PKHD1L1: variants seen among roughly 807,000 people sequenced by gnomAD.
PKHD1L1 encodes fibrocystin-L.
A neutral mutation model predicts 462.9 loss-of-function variants in PKHD1L1; 434 were observed. The observed-to-expected ratio is 0.94, with a 90% CI of 0.87 to 1.02. The LOEUF (loss-of-function observed/expected upper bound fraction) is 1.02. Ranked by LOEUF, PKHD1L1 falls within the 50% of genes least tolerant of loss-of-function variation. The probability of loss-of-function intolerance (pLI) is 0.00; values close to 1 mark genes in which losing one functional copy is unlikely to be tolerated. For synonymous variants in PKHD1L1, 1,781 were observed against 1,750.0 expected, an observed-to-expected ratio of 1.02 and a Z score of -0.44; for missense variants, 5,202 against 5,096.1, an observed-to-expected ratio of 1.02 and a Z score of -0.63.
intron 2 of PKHD1L1, among the ~76,000 whole-genome samples, chr8:109,374,170 T>C (rs1811677438): frequency 6.6e-6 from 1 of 152,228 alleles, no homozygotes; most frequent in Admixed American, 6.5e-5. Flanking sequence ...ACTTGATTTA[T>C]GAATCTGGGT....
intron 56 of PKHD1L1, among the ~76,000 whole-genome samples, chr8:109,482,213 C>T (rs1049511042): frequency 6.6e-6 from 1 of 151,748 alleles, no homozygotes; most frequent in Non-Finnish European, 1.5e-5. Context: ...CATTGTTTTA[C>T]TGTACAATTT....
At chr8:109,387,358 T>C (rs1486050517) in intron 6 of PKHD1L1, among the ~76,000 whole-genome samples, 2 of 152,230 alleles carry the variant, frequency 1.3e-5, no homozygotes, top group African/African-American at 4.8e-5. Context: ...TTACTCTAGA[T>C]ACGCATACCC....
chr8:109,501,625 G>T (rs1417889271), intron 67 of PKHD1L1, among the ~76,000 whole-genome samples: 1 of 152,148 alleles, frequency 6.6e-6, no homozygotes, highest in Non-Finnish European at 1.5e-5. Flanking sequence ...TGTAGTAGAA[G>T]TAGCTCCACT....
intron 68 of PKHD1L1, among the ~76,000 whole-genome samples, chr8:109,507,152 G>A (rs767242420): frequency 6.6e-6 from 1 of 152,108 alleles, no homozygotes; most frequent in African/African-American, 2.4e-5. Flanking sequence ...TAAAAGATTA[G>A]TATAGGAAGG....
chr8:109,451,059 T>G lies in PKHD1L1; in HGVS notation c.6260T>G (p.Val2087Gly). The G allele has an allele frequency of 6.2e-7, 1 of 1,613,858 alleles. No homozygotes were observed. ...SQSMTPFTYA[V>G]SLTPLITAVS... ...TCCATGACTCCGTTTACGTACGCAG[T>G]GTCACTGACTCCACTCATCACTGCA... Residue 2087 changes from valine to glycine, a missense_variant, in exon 41 of 78, where the codon GTG becomes GGG. Val to Gly is a moderately radical substitution (Grantham distance 109). Coordinates refer to ENST00000378402, the MANE Select transcript of PKHD1L1 (RefSeq NM_177531.6).
chr8:109,527,125 A>C, intron 77 of PKHD1L1, 105 bp downstream of exon 77: 1 of 988,232 alleles, frequency 1.0e-6, no homozygotes. Context: ...CACTGTGTGC[A>C]CAAAGAGAAA....
At position 109,454,188 on chromosome 8, in the gene PKHD1L1, A is replaced by G; in HGVS notation, c.6686A>G (p.Glu2229Gly). Residue 2229 changes from glutamate (E) to glycine (G), a missense_variant, in exon 44 of 78, where the codon GAA becomes GGA. This residue lies in a region of PKHD1L1 where 4,497 missense variants were observed against 4,336.8 expected (regional missense o/e 1.04). Coordinates refer to ENST00000378402, the MANE Select transcript of PKHD1L1 (RefSeq NM_177531.6). ...LIQGGTLIFD[E>G]ADIELQAENI... ...ATAGGTGGGACTCTAATATTTGATGAAGCTGACATTGAACTCCAGGCAGAA... is the reference window on the plus strand; with the variant it reads ...ATAGGTGGGACTCTAATATTTGATGGAGCTGACATTGAACTCCAGGCAGAA... 1.2e-6 allele frequency: 2 copies of G among 1,607,710 alleles called. No individual in the cohort carries two copies. The highest frequency in any genetic ancestry group is 1.7e-6 in the Non-Finnish European group (2 of 1,176,882).
intron 35 of PKHD1L1, among the ~76,000 whole-genome samples, chr8:109,442,411 T>A (rs1383954567): frequency 2.0e-5 from 3 of 152,214 alleles, no homozygotes; most frequent in Non-Finnish European, 4.4e-5. Context: ...AGAAATATCT[T>A]ATATTGATTC....
intron 2 of PKHD1L1, among the ~76,000 whole-genome samples, chr8:109,378,435 C>T (rs1385679587): frequency 6.6e-6 from 1 of 152,228 alleles, no homozygotes; most frequent in Admixed American, 6.5e-5. Flanking sequence ...TTCAACCACA[C>T]TTGCTATTAT....
At chr8:109,527,142 G>T in intron 77 of PKHD1L1, 122 bp downstream of exon 77, 1 of 824,162 alleles carries the variant, frequency 1.2e-6, no homozygotes, top group South Asian at 1.8e-5. Flanking sequence ...GAAAGTAACA[G>T]CCTCAATAGC....
chr8:109,511,195 T>A (rs1819957373), intron 71 of PKHD1L1, among the ~76,000 whole-genome samples: 1 of 152,110 alleles, frequency 6.6e-6, no homozygotes, highest in African/African-American at 2.4e-5. Context: ...CCTAAATTTT[T>A]ATTTTTTTAT....
Position 109,535,483 on chromosome 8 carries a change from T to C in PKHD1L1, c.*5393T>C, listed in dbSNP as rs1821126822. Among the ~76,000 whole-genome samples the C allele has an allele frequency of 6.6e-6, 1 of 152,210 alleles. No homozygotes were observed. ...CGTACAAAATATAGATTTAAATTAA[T>C]TTTCACTGTATGAAATGTACAGTAT... On this transcript the variant is annotated 3_prime_UTR_variant, in exon 78 of 78. Coordinates refer to ENST00000378402, the MANE Select transcript of PKHD1L1 (RefSeq NM_177531.6).
At chr8:109,471,017 C>A (rs1184588470) in intron 50 of PKHD1L1, 3 of 1,609,644 alleles carry the variant, frequency 1.9e-6, no homozygotes, top group Admixed American at 1.7e-5. Flanking sequence ...AGTTGGGTCA[C>A]CACTTAAGTC....
chr8:109,415,463 G>C (rs2124982), intron 21 of PKHD1L1, among the ~76,000 whole-genome samples: 45,208 of 152,048 alleles, frequency 0.3, 7,308 homozygotes, highest in Admixed American at 0.43. Flanking sequence ...GTATGAAGTG[G>C]GAAACAGCCA....
chr8:109,434,884 T>C (rs1586503127), intron 28 of PKHD1L1, among the ~76,000 whole-genome samples: 1 of 116,626 alleles, frequency 8.6e-6, no homozygotes, highest in Non-Finnish European at 1.5e-5. Flanking sequence ...TATAAACTAG[T>C]TTTTTTTTTA....
chr8:109,392,347 C>T (rs150842865), intron 9 of PKHD1L1, among the ~76,000 whole-genome samples: 80 of 152,204 alleles, frequency 5.3e-4, no homozygotes, highest in Non-Finnish European at 8.7e-4. Context: ...CAAGGTTGAA[C>T]GTGATTGATA....
At chr8:109,480,986 G>T (rs1353695996) in intron 55 of PKHD1L1, among the ~76,000 whole-genome samples, 1 of 151,874 alleles carries the variant, frequency 6.6e-6, no homozygotes, top group African/African-American at 2.4e-5. Context: ...TGTAAAGAAA[G>T]GTTAAAGGAT....
Position 109,364,598 on chromosome 8 carries a change from G to A in PKHD1L1, c.125G>A (p.Ser42Asn). 6.5e-7 allele frequency: 1 copy of A among 1,545,036 alleles called. No homozygotes were observed. Among genetic ancestry groups the A allele is most frequent in the Non-Finnish European group, 8.9e-7 (1 of 1,128,942 alleles). Residue 42 changes from serine to asparagine, a missense_variant, in exon 2 of 78, where the codon AGT (serine) becomes AAT (asparagine). Around this residue, in one of 3 missense-constraint regions of PKHD1L1, gnomAD observed 4,497 missense variants for 4,336.8 expected, o/e 1.04. Transcript: ENST00000378402. ...KVTEIIPKYG[S>N]INGATRLTIR... Reference sequence around the variant, plus strand: ...ACAGAAATAATACCTAAATATGGCAGTATAAATGGAGCAACAAGGCTGACT... The same window carrying A: ...ACAGAAATAATACCTAAATATGGCAATATAAATGGAGCAACAAGGCTGACT...
In PKHD1L1 at chr8:109,396,054, G is replaced by A. The variant is rs1354106963; in HGVS notation, c.839G>A (p.Gly280Glu). 1 of 1,604,998 alleles carries A rather than the reference G, an allele frequency of 6.2e-7. No individual in the cohort carries two copies. Among genetic ancestry groups the A allele is most frequent in the Non-Finnish European group, 8.5e-7 (1 of 1,175,970 alleles). ...AEVTMIFPSQ[G>E]SIRGGTTLTI... is the part of the protein sequence containing the mutation. ...GTCACCATGATTTTCCCTTCACAAG[G>A]AAGCATTCGAGGTGGCACCACGCTG... The change falls in exon 11 of 78, where the codon GGA becomes GAA. Residue 280 changes from glycine (G) to glutamate (E), a missense_variant. Transcript: ENST00000378402.
Sources: gnomAD v4.1 joint callset for allele counts (sites outside exome capture counted in the v4.1 genomes callset) on GRCh38, gnomAD v4.1.1 for gene constraint, gnomAD v4.1.1 regional missense constraint, MANE v1.5 for transcripts, NCBI Gene and HGNC (gene_info 2026-07-23, HGNC 2026-07-21) for gene names.